CAAP1: variants seen among roughly 807,000 people sequenced by gnomAD.
The protein encoded by CAAP1 is caspase activity and apoptosis inhibitor 1.
CAAP1 carries 20 observed loss-of-function variants against 34.0 expected under a neutral mutation model. The ratio of observed to expected loss-of-function variants is 0.59; its 90% CI spans 0.41 to 0.86. CAAP1 has a LOEUF of 0.86. Ranked by LOEUF, CAAP1 falls within the 40% of genes least tolerant of loss-of-function variation. The pLI is 0.00. For synonymous variants in CAAP1, 213 were observed against 166.7 expected, an observed-to-expected ratio of 1.28 and a Z score of -2.14; for missense variants, 538 against 450.5, an observed-to-expected ratio of 1.19 and a Z score of -1.76.
At chr9:26,889,925 C>G (rs369287092) in intron 1 of CAAP1, among the ~76,000 whole-genome samples, 1 of 150,570 alleles carries the variant, frequency 6.6e-6, no homozygotes, top group African/African-American at 2.4e-5. Context: ...ATGGCACTCT[C>G]TAAAGTTTGA....
At position 26,892,399 on chromosome 9, in the gene CAAP1, G is replaced by T. The variant is rs752995346; in HGVS notation, c.303+14C>A. 1 of 1,604,330 alleles carries T rather than the reference G, an allele frequency of 6.2e-7. No individual in the cohort carries two copies. On this transcript the variant is annotated intron_variant, in intron 1 of 5. Transcript: ENST00000333916. ...CAGCAGCTCCAGGAAGCGGCCAGAG[G>T]GGCGCGCACGCACCTGCTGCAAGGA...
chr9:26,883,416 T>G (rs1425633379), intron 4 of CAAP1, among the ~76,000 whole-genome samples: 3 of 152,286 alleles, frequency 2.0e-5, no homozygotes, highest in Non-Finnish European at 4.4e-5. Context: ...TCCCCAGTCA[T>G]GTGGAATTAT....
At chr9:26,862,196 TCTC>T (rs1340413507) in intron 4 of CAAP1, among the ~76,000 whole-genome samples, 1 of 152,132 alleles carries the variant, frequency 6.6e-6, no homozygotes, top group African/African-American at 2.4e-5. Flanking sequence ...TATCAACAAT[TCTC>T]CTTGGCAATC....
In CAAP1 at chr9:26,892,424, A is replaced by T. The variant is rs781093180; in HGVS notation, c.292T>A (p.Ser98Thr). ...GGGCGCGCACGCACCTGCTGCAAGGAGCCCGAGACGCTGGAAGAGTCGGTA... is the reference window on the plus strand; with the variant it reads ...GGGCGCGCACGCACCTGCTGCAAGGTGCCCGAGACGCTGGAAGAGTCGGTA... ...RSTDSSSVSG[S>T]LQQETKYILP... Residue 98 changes from serine to threonine, a missense_variant, in exon 1 of 6, where the codon TCC (serine) becomes ACC (threonine). Ser to Thr is a moderately conservative substitution (Grantham distance 58, BLOSUM62 1). Coordinates refer to ENST00000333916, the MANE Select transcript of CAAP1 (RefSeq NM_024828.4). 3 of 1,604,634 alleles carry T rather than the reference A, an allele frequency of 1.9e-6. No individual in the cohort carries two copies. Among genetic ancestry groups the T allele is most frequent in the Non-Finnish European group, 2.5e-6 (3 of 1,177,748 alleles).
chr9:26,856,421 A>G (rs10967569), intron 5 of CAAP1, among the ~76,000 whole-genome samples: 1,840 of 152,322 alleles, frequency 0.012, 22 homozygotes, highest in Non-Finnish European at 0.018. Flanking sequence ...GATAGCAAAA[A>G]AGAGTGTATA....
At chr9:26,872,759 T>C (rs74452305) in intron 4 of CAAP1, among the ~76,000 whole-genome samples, 16,627 of 151,864 alleles carry the variant, frequency 0.11, 1,288 homozygotes, top group Non-Finnish European at 0.16. Context: ...TTACAAACAA[T>C]TCCCTAAAGA....
At chr9:26,860,170 C>CTGGCATT (rs1465648385) in intron 5 of CAAP1, among the ~76,000 whole-genome samples, 3 of 152,144 alleles carry the variant, frequency 2.0e-5, no homozygotes, top group Non-Finnish European at 4.4e-5. Flanking sequence ...CAAATGTGAG[C>CTGGCATT]TGGCATTTGA....
At chr9:26,884,551 T>A (rs953138126) in intron 4 of CAAP1, among the ~76,000 whole-genome samples, 5 of 152,140 alleles carry the variant, frequency 3.3e-5, no homozygotes, top group African/African-American at 4.8e-5. Flanking sequence ...TGGGAGTGAT[T>A]CTGCTTCAGG....
chr9:26,880,300 A>G, intron 4 of CAAP1: 1 of 362,820 alleles, frequency 2.8e-6, no homozygotes, highest in Non-Finnish European at 5.3e-6. Context: ...CTCTGGACGC[A>G]CTGGTCTGAT....
chr9:26,867,594 T>C (rs924402355), intron 4 of CAAP1, among the ~76,000 whole-genome samples: 6 of 152,066 alleles, frequency 3.9e-5, no homozygotes, highest in Non-Finnish European at 8.8e-5. Flanking sequence ...TAGAATCCAT[T>C]TTTTTTAGGT....
chr9:26,882,998 A>G (rs772365876), intron 4 of CAAP1, among the ~76,000 whole-genome samples: 2 of 152,118 alleles, frequency 1.3e-5, no homozygotes, highest in African/African-American at 2.4e-5. Flanking sequence ...CTGTATCCCC[A>G]TTATATCTAG....
chr9:26,892,551 A>ACAGCAGCTGACGCTCCCG lies in CAAP1; in HGVS notation c.147_164dup (p.Ser51_Gly56dup). On this transcript the variant is annotated inframe_insertion, in exon 1 of 6. Transcript: ENST00000333916. ...CACTTCCACTAAAATTGGCGTTCCCACAGCAGCTGACGCTCCCGCAGCCCC... is the reference window on the plus strand; with the variant it reads ...CACTTCCACTAAAATTGGCGTTCCCACAGCAGCTGACGCTCCCGCAGCAGCTGACGCTCCCGCAGCCCC... The ACAGCAGCTGACGCTCCCG allele has an allele frequency of 6.3e-7, 1 of 1,581,854 alleles. No individual in the cohort carries two copies. Among genetic ancestry groups the ACAGCAGCTGACGCTCCCG allele is most frequent in the Non-Finnish European group, 8.6e-7 (1 of 1,164,416 alleles).
chr9:26,892,624 G>A lies in CAAP1; in HGVS notation c.92C>T (p.Ala31Val). The A allele has an allele frequency of 6.2e-7, 1 of 1,609,332 alleles. No individual in the cohort carries two copies. The highest frequency in any genetic ancestry group is 8.5e-7 in the Non-Finnish European group (1 of 1,179,526). The change falls in exon 1 of 6, where the codon GCG (alanine) becomes GTG (valine). Residue 31 changes from alanine to valine, a missense_variant. By Grantham distance (64) the Ala-to-Val change is moderately conservative. Transcript: ENST00000333916. The stretch of plus-strand genomic sequence containing the variant: ...GCTTCCACTGCTGCCGCTGGCCAAC[G>A]CGGGTACGATGTCCGGGGCCGCGAG... ...AALAAPDIVP[A>V]LASGSSGSTS...
At chr9:26,861,037 T>C (rs1289987375) in intron 5 of CAAP1, 29 bp downstream of exon 5, 14 of 1,496,126 alleles carry the variant, frequency 9.4e-6, no homozygotes, top group Non-Finnish European at 1.3e-5. Flanking sequence ...AGGTAAATTT[T>C]ATACAATAAT....
At chr9:26,850,128 G>A (rs1438701618) in intron 5 of CAAP1, among the ~76,000 whole-genome samples, 3 of 152,108 alleles carry the variant, frequency 2.0e-5, no homozygotes, top group African/African-American at 7.2e-5. Context: ...CAGCCACCAC[G>A]CCCGGCTAGT....
intron 4 of CAAP1, among the ~76,000 whole-genome samples, chr9:26,867,089 C>T (rs1313542299): frequency 6.6e-6 from 1 of 152,120 alleles, no homozygotes; most frequent in Non-Finnish European, 1.5e-5. Flanking sequence ...GTTGCATGCT[C>T]CTTATGAGAA....
rs932119979 is a variant in CAAP1 at position 26,892,745 on chromosome 9, G to A, written c.-30C>T. On this transcript the variant is annotated 5_prime_UTR_variant, in exon 1 of 6. Coordinates refer to ENST00000333916, the MANE Select transcript of CAAP1 (RefSeq NM_024828.4). ...CCTCTGCTGCAACCATCGGAGGAAA[G>A]TCCGCTGTCTCTGGTGCGACCGAAG... The A allele has an allele frequency of 1.3e-6, 2 of 1,551,886 alleles. No homozygotes were observed. The highest frequency in any genetic ancestry group is 3.7e-5 in the Admixed American group (2 of 54,698).
intron 5 of CAAP1, among the ~76,000 whole-genome samples, chr9:26,852,617 T>A (rs1042269169): frequency 7.2e-5 from 11 of 152,144 alleles, no homozygotes; most frequent in African/African-American, 2.4e-4. Flanking sequence ...GATTTCAGAT[T>A]TGACATATTG....
At chr9:26,884,432 A>G (rs1823677040) in intron 4 of CAAP1, among the ~76,000 whole-genome samples, 1 of 152,176 alleles carries the variant, frequency 6.6e-6, no homozygotes, top group Non-Finnish European at 1.5e-5. Context: ...AAATACATAG[A>G]TTATTGTAAT....
Sources: gnomAD v4.1 joint callset for allele counts (sites outside exome capture counted in the v4.1 genomes callset) on GRCh38, gnomAD v4.1.1 for gene constraint, MANE v1.5 for transcripts, NCBI Gene and HGNC (gene_info 2026-07-23, HGNC 2026-07-21) for gene names.